Variants in ARID5B observed in about 807,000 individuals in gnomAD.
ARID5B encodes the protein AT-rich interaction domain 5B.
In ARID5B, 13 loss-of-function variants were observed where a neutral mutation model predicts 97.2. The observed-to-expected ratio is 0.13, with a 90% confidence interval of 0.09 to 0.21. The LOEUF (loss-of-function observed/expected upper bound fraction) is 0.21. ARID5B is among the 10% of genes least tolerant of loss of function. The pLI is 1.00. For missense variants in ARID5B, 1,210 were observed against 1,465.3 expected (o/e 0.83, Z 2.84); for synonymous variants, 556 against 570.3 (o/e 0.97, Z 0.36).
chr10:61,905,986 A>G (rs1259512572), intron 2 of ARID5B, among the ~76,000 whole-genome samples: 1 of 152,188 alleles, frequency 6.6e-6, no homozygotes, highest in African/African-American at 2.4e-5. Context: ...CAAGAAAGTC[A>G]CATTTTGATT....
At chr10:62,038,465 T>C (rs1839593040) in intron 4 of ARID5B, among the ~76,000 whole-genome samples, 1 of 152,264 alleles carries the variant, frequency 6.6e-6, no homozygotes, top group East Asian at 1.9e-4. Flanking sequence ...TCCAAACCAG[T>C]TGGAACATCA....
chr10:61,908,022 TTAAG>T (rs1317066175), intron 2 of ARID5B, among the ~76,000 whole-genome samples: 3 of 144,976 alleles, frequency 2.1e-5, no homozygotes, highest in Non-Finnish European at 4.6e-5. Flanking sequence ...TATAAGAAAC[TTAAG>T]TAATATAAGA....
chr10:62,058,554 C>T (rs1465563829), intron 6 of ARID5B, among the ~76,000 whole-genome samples: 1 of 152,128 alleles, frequency 6.6e-6, no homozygotes, highest in African/African-American at 2.4e-5. Flanking sequence ...ACAAACTCTG[C>T]AAAGAGAAAT....
intron 7 of ARID5B, among the ~76,000 whole-genome samples, chr10:62,061,527 C>G (rs1366141687): frequency 6.6e-6 from 1 of 152,128 alleles, no homozygotes; most frequent in Non-Finnish European, 1.5e-5. Context: ...ATGCTAGCTC[C>G]CTGATGTTAG....
At chr10:62,071,030 C>CTTT (rs565983973) in intron 8 of ARID5B, among the ~76,000 whole-genome samples, 16 of 71,156 alleles carry the variant, frequency 2.2e-4, no homozygotes, top group African/African-American at 4.3e-4. Flanking sequence ...TCATTCAGAA[C>CTTT]TTTTTTTTTT....
At chr10:61,950,346 C>G (rs1253408509) in intron 3 of ARID5B, among the ~76,000 whole-genome samples, 1 of 152,078 alleles carries the variant, frequency 6.6e-6, no homozygotes, top group Non-Finnish European at 1.5e-5. Flanking sequence ...GAGAATGCAA[C>G]ACTGACTCTG....
chr10:61,981,351 C>T (rs1838774369), intron 3 of ARID5B, among the ~76,000 whole-genome samples: 1 of 152,116 alleles, frequency 6.6e-6, no homozygotes, highest in African/African-American at 2.4e-5. Flanking sequence ...GCGCACTTTC[C>T]ACTCACCGCA....
intron 4 of ARID5B, among the ~76,000 whole-genome samples, chr10:62,002,652 G>A (rs1462014002): frequency 6.6e-6 from 1 of 152,122 alleles, no homozygotes; most frequent in African/African-American, 2.4e-5. Flanking sequence ...AAATTGACAT[G>A]GGTTAAAGTG....
At position 62,030,199 on chromosome 10, in the gene ARID5B, G is replaced by A. The variant is rs147752578; in HGVS notation, c.734-20689G>A. Among the ~76,000 whole-genome samples, 491 of 151,438 alleles carry A rather than the reference G, an allele frequency of 3.2e-3. 2 individuals carry two copies. Among genetic ancestry groups the A allele is most frequent in the Non-Finnish European group, 5.6e-3 (379 of 67,916 alleles). On this transcript the variant is annotated intron_variant, in intron 4 of 9. Transcript: ENST00000279873. ...GGCTGGAGTACAGTCACGTGATCTCGGCTCACGGCAACTTCCGCCTCCTGG... is the reference window on the plus strand; with the variant it reads ...GGCTGGAGTACAGTCACGTGATCTCAGCTCACGGCAACTTCCGCCTCCTGG...
intron 2 of ARID5B, among the ~76,000 whole-genome samples, chr10:61,909,318 G>GTTTTTTTTTTT (rs777612375): frequency 2.7e-4 from 21 of 77,242 alleles, no homozygotes; most frequent in Non-Finnish European, 3.5e-4. Context: ...TATTCAGTGA[G>GTTTTTTTTTTT]TTTTTTTTTT....
At chr10:61,985,351 G>T (rs1838832762) in intron 3 of ARID5B, among the ~76,000 whole-genome samples, 1 of 151,926 alleles carries the variant, frequency 6.6e-6, no homozygotes, top group African/African-American at 2.4e-5. Flanking sequence ...TTTAAAGAGG[G>T]ATGGTGGCTT....
intron 3 of ARID5B, among the ~76,000 whole-genome samples, chr10:61,961,628 CA>C (rs1338472455): frequency 6.6e-6 from 1 of 152,210 alleles, no homozygotes; most frequent in African/African-American, 2.4e-5. Context: ...GCTGTAGGAA[CA>C]GTAAAGGCAT....
intron 2 of ARID5B, among the ~76,000 whole-genome samples, chr10:61,920,009 G>A (rs887080871): frequency 1.3e-5 from 2 of 152,096 alleles, no homozygotes; most frequent in Non-Finnish European, 2.9e-5. Context: ...CAGCCAAGCA[G>A]GTGTTCACAT....
At position 62,000,116 on chromosome 10, in the gene ARID5B, G is replaced by A. The variant is rs1000843642; in HGVS notation, c.528G>A (p.Val176=). 7 of 1,613,840 alleles carry A rather than the reference G, an allele frequency of 4.3e-6. No homozygotes were observed. Among genetic ancestry groups the A allele is most frequent in the Non-Finnish European group, 5.9e-6 (7 of 1,179,900 alleles). Residue 176 remains valine, a synonymous_variant, in exon 4 of 10, where the codon GTG becomes GTA. Coordinates refer to ENST00000279873, the MANE Select transcript of ARID5B (RefSeq NM_032199.3). This position sits in a 1 kb window ranked among gnomAD's most constrained non-coding sequence, Gnocchi z 4.4. ...GGGAGGACGAGGAAGAAACGAACGT[G>A]ATAGTTCTCAGCTACCCCCAGTACT... is the stretch of plus-strand genomic sequence containing the variant. ...DLGEDEEETN[V]IVLSYPQYCR...
intron 4 of ARID5B, among the ~76,000 whole-genome samples, chr10:62,006,998 C>A (rs184733834): frequency 1.3e-5 from 2 of 152,038 alleles, no homozygotes; most frequent in African/African-American, 4.8e-5. Context: ...TCTAGAAAAG[C>A]GAGAAAGTTA....
chr10:62,015,096 T>C (rs1385532549), intron 4 of ARID5B, among the ~76,000 whole-genome samples: 1 of 152,248 alleles, frequency 6.6e-6, no homozygotes, highest in Non-Finnish European at 1.5e-5. Context: ...TCATACCTTT[T>C]ATTGAGAGCA....
At position 62,092,216 on chromosome 10, in the gene ARID5B, C is replaced by T. The variant is rs1487431610; in HGVS notation, c.2753C>T (p.Thr918Ile). The T allele has an allele frequency of 6.2e-7, 1 of 1,610,848 alleles. No homozygotes were observed. Among genetic ancestry groups the T allele is most frequent in the Non-Finnish European group, 8.5e-7 (1 of 1,178,798 alleles). ...CTTCCCAAGAACCCGCACAAACCTA[C>T]CGGCAAGGTCCTGGGCCTGGCTCAT... ...LSLPKNPHKP[T>I]GKVLGLAHST... The change falls in exon 10 of 10, where the codon ACC (threonine) becomes ATC (isoleucine). Residue 918 changes from threonine (T) to isoleucine (I), a missense_variant. Physicochemically the swap from Thr to Ile is moderately conservative, Grantham distance 89. Around this residue, in one of 8 missense-constraint regions of ARID5B, gnomAD observed 800 missense variants for 839.1 expected, o/e 0.95. Coordinates refer to ENST00000279873, the MANE Select transcript of ARID5B (RefSeq NM_032199.3).
At chr10:62,089,093 G>A (rs970865149) in intron 9 of ARID5B, among the ~76,000 whole-genome samples, 1 of 152,072 alleles carries the variant, frequency 6.6e-6, no homozygotes, top group South Asian at 2.1e-4. Context: ...TCAAACTATA[G>A]CCCCATAAGA....
intron 2 of ARID5B, among the ~76,000 whole-genome samples, chr10:61,919,036 T>TTCCC (rs1843960095): frequency 1.6e-5 from 1 of 63,422 alleles, no homozygotes. Flanking sequence ...CCTGACTCCG[T>TTCCC]CCCCCCCCCC....
Sources: gnomAD v4.1 joint callset for allele counts (sites outside exome capture counted in the v4.1 genomes callset) on GRCh38, gnomAD v4.1.1 for gene constraint, gnomAD v4.1.1 regional missense constraint, Gnocchi (gnomAD v3.1) non-coding constraint, MANE v1.5 for transcripts, NCBI Gene and HGNC (gene_info 2026-07-23, HGNC 2026-07-21) for gene names.